The following FHAD1 variants were observed in gnomAD, a reference collection of about 807,000 sequenced individuals.
The protein encoded by FHAD1 is forkhead-associated domain-containing protein 1.
In FHAD1, 146 loss-of-function variants were observed where a neutral mutation model predicts 191.3. The observed-to-expected ratio is 0.76, with a 90% confidence interval of 0.67 to 0.88. The LOEUF (loss-of-function observed/expected upper bound fraction) is 0.88, where lower values mean the gene tolerates loss of function less well. FHAD1 is among the 40% of genes least tolerant of loss of function. The pLI is 0.00. For synonymous variants in FHAD1, 616 were observed against 672.3 expected (o/e 0.92, Z 1.29); for missense variants, 1,635 against 1,785.8 (o/e 0.92, Z 1.52).
downstream of FHAD1, among the ~76,000 whole-genome samples, chr1:15,398,656 C>A (rs1256898595): frequency 6.6e-6 from 1 of 152,138 alleles, no homozygotes; most frequent in Non-Finnish European, 1.5e-5. Context: ...TGCCTAGGTA[C>A]ACACACTCCT....
intron 3 of FHAD1, among the ~76,000 whole-genome samples, chr1:15,285,974 A>G (rs998609639): frequency 3.9e-5 from 6 of 152,352 alleles, no homozygotes; most frequent in Non-Finnish European, 7.3e-5. Context: ...GTATGAATCC[A>G]CTTATATGAG....
chr1:15,264,793 AT>A (rs1253062677), intron 2 of FHAD1, among the ~76,000 whole-genome samples: 2 of 152,182 alleles, frequency 1.3e-5, no homozygotes, highest in African/African-American at 4.8e-5. Flanking sequence ...ACTGAGAATT[AT>A]GTTAGCTATG....
chr1:15,243,138 T>C (rs1645587483), upstream of FHAD1, among the ~76,000 whole-genome samples: 1 of 151,868 alleles, frequency 6.6e-6, no homozygotes, highest in South Asian at 2.1e-4. Flanking sequence ...CATGAAAGAG[T>C]CGACATGAGA....
At chr1:15,398,503 G>A (rs1706661869), downstream of FHAD1, among the ~76,000 whole-genome samples, 1 of 152,034 alleles carries the variant, frequency 6.6e-6, no homozygotes, top group South Asian at 2.1e-4. Context: ...AAATCACACA[G>A]CTAGTCAACT....
intron 19 of FHAD1, among the ~76,000 whole-genome samples, chr1:15,349,517 G>A (rs1690083929): frequency 6.6e-6 from 1 of 152,220 alleles, no homozygotes; most frequent in South Asian, 2.1e-4. Context: ...AGGGTCAGGG[G>A]CTTAGTGAGC....
At position 15,272,437 on chromosome 1, in the gene FHAD1, C is replaced by G; in HGVS notation, c.208C>G (p.Gln70Glu). Residue 70 changes from glutamine to glutamate, a missense_variant, in exon 3 of 34, where the codon CAA (glutamine) becomes GAA (glutamate). Physicochemically the swap from Gln to Glu is conservative, Grantham distance 29. Transcript: ENST00000688493. ...NGTFVNECHI[Q>E]NVAVKLIPGD... ...CACGTTTGTCAACGAGTGCCACATTCAAAACGTGGCTGTGAAGCTCATCCC... is the reference window on the plus strand; with the variant it reads ...CACGTTTGTCAACGAGTGCCACATTGAAAACGTGGCTGTGAAGCTCATCCC... 1.3e-6 allele frequency: 2 copies of G among 1,551,636 alleles called. No homozygotes were observed. The highest frequency in any genetic ancestry group is 2.4e-5 in the South Asian group (2 of 84,048).
chr1:15,357,354 G>A (rs1185022744), intron 20 of FHAD1, among the ~76,000 whole-genome samples: 4 of 152,312 alleles, frequency 2.6e-5, no homozygotes, highest in Non-Finnish European at 5.9e-5. Flanking sequence ...GGCCAGGCGC[G>A]TTGGCACACG....
chr1:15,342,536 T>C (rs564069086), intron 16 of FHAD1, among the ~76,000 whole-genome samples: 23 of 152,184 alleles, frequency 1.5e-4, no homozygotes, highest in Non-Finnish European at 3.4e-4. Context: ...ATAAGAACCA[T>C]CCAGATGCTT....
chr1:15,401,997 C>G (rs1707139357), downstream of FHAD1, among the ~76,000 whole-genome samples: 3 of 152,238 alleles, frequency 2.0e-5, no homozygotes, highest in Admixed American at 2.0e-4. Flanking sequence ...TTGGGGGAAG[C>G]ATTAACAGGT....
At chr1:15,290,347 G>A (rs547230189) in intron 4 of FHAD1, among the ~76,000 whole-genome samples, 53 of 152,262 alleles carry the variant, frequency 3.5e-4, no homozygotes, top group African/African-American at 1.2e-3. Context: ...CAGCAGAAGA[G>A]CTGGTCAGTT....
At chr1:15,295,078 C>T (rs774709987) in intron 4 of FHAD1, among the ~76,000 whole-genome samples, 2 of 152,190 alleles carry the variant, frequency 1.3e-5, no homozygotes, top group Non-Finnish European at 2.9e-5. Flanking sequence ...TAAAACGTAA[C>T]ACTGCATCAT....
chr1:15,239,102 C>CTG (rs1297558708), intron 1 of FHAD1, among the ~76,000 whole-genome samples: 1 of 152,176 alleles, frequency 6.6e-6, no homozygotes, highest in Non-Finnish European at 1.5e-5. Flanking sequence ...AAAGCAAGGT[C>CTG]TGTCTATGTT....
At position 15,339,741 on chromosome 1, in the gene FHAD1, G is replaced by T. The variant is rs569451020; in HGVS notation, c.1977+190G>T. On this transcript the variant is annotated intron_variant, in intron 15 of 33. Coordinates refer to ENST00000688493, the MANE Select transcript of FHAD1 (RefSeq NM_001391957.1). ...AGGTTGGCTAAGATCTCCCAGGAGG[G>T]TAAGGACAATGACAGGGTGCTGCCC... Among the ~76,000 whole-genome samples, 6 of 152,302 alleles carry T rather than the reference G, an allele frequency of 3.9e-5. 1 individual carries two copies. The highest frequency in any genetic ancestry group is 1.4e-4 in the African/African-American group (6 of 41,572).
At chr1:15,245,000 T>C (rs762046446), upstream of FHAD1, among the ~76,000 whole-genome samples, 57 of 152,190 alleles carry the variant, frequency 3.7e-4, no homozygotes, top group Admixed American at 1.2e-3. This position sits in a 1 kb window ranked among gnomAD's most constrained non-coding sequence, Gnocchi z 5.1. Flanking sequence ...AGCGCCTGCA[T>C]GTGCAGAGAT....
intron 3 of FHAD1, among the ~76,000 whole-genome samples, chr1:15,274,768 A>C (rs1248597689): frequency 6.6e-6 from 1 of 152,228 alleles, no homozygotes; most frequent in Non-Finnish European, 1.5e-5. Context: ...AGCCTAGGGC[A>C]TGGGCTCTCT....
chr1:15,298,969 G>A (rs1172518073), intron 5 of FHAD1, among the ~76,000 whole-genome samples: 1 of 151,046 alleles, frequency 6.6e-6, no homozygotes, highest in Non-Finnish European at 1.5e-5. Context: ...AGGAGTTCAA[G>A]CCCAGCCTGG....
chr1:15,262,958 G>A (rs1009515619), intron 2 of FHAD1, among the ~76,000 whole-genome samples: 2 of 152,100 alleles, frequency 1.3e-5, no homozygotes, highest in Admixed American at 6.6e-5. Context: ...CCACGTCCTC[G>A]CCAACACTTA....
intron 3 of FHAD1, among the ~76,000 whole-genome samples, chr1:15,274,109 A>G (rs755896371): frequency 1.3e-5 from 2 of 152,198 alleles, no homozygotes; most frequent in Non-Finnish European, 2.9e-5. Flanking sequence ...GCTCCCTTGT[A>G]TGAGAGACCA....
chr1:15,274,375 AGCCGG>A (rs1657432175), intron 3 of FHAD1, among the ~76,000 whole-genome samples: 1 of 152,168 alleles, frequency 6.6e-6, no homozygotes, highest in Non-Finnish European at 1.5e-5. Context: ...TGGGAGGCCG[AGCCGG>A]GCAGATTGCC....
Sources: allele counts gnomAD v4.1 joint callset (sites outside exome capture counted in the v4.1 genomes callset), GRCh38; gene constraint gnomAD v4.1.1; non-coding constraint Gnocchi (gnomAD v3.1); transcripts MANE v1.5; gene names NCBI Gene and HGNC (gene_info 2026-07-23, HGNC 2026-07-21).